The following RALGPS2 variants were observed in gnomAD, a reference collection of about 807,000 sequenced individuals.
RALGPS2 encodes the protein ras-specific guanine nucleotide-releasing factor RalGPS2.
In RALGPS2, 43 loss-of-function variants were observed where a neutral mutation model predicts 86.8. That is an observed-to-expected ratio of 0.50 (90% CI 0.39 to 0.64). The LOEUF (loss-of-function observed/expected upper bound fraction) is 0.64, where lower values mean the gene tolerates loss of function less well. RALGPS2 is among the 30% of genes least tolerant of loss of function. The pLI is 0.00. For synonymous variants in RALGPS2, 243 were observed against 231.3 expected, an observed-to-expected ratio of 1.05 and a Z score of -0.46; for missense variants, 536 against 694.6, an observed-to-expected ratio of 0.77 and a Z score of 2.57.
At position 178,856,210 on chromosome 1, in the gene RALGPS2, T is replaced by G. The variant is rs1390962426; in HGVS notation, c.608-21288T>G. ...TTTTCCAGAGAGAGAGAGATATATA[T>G]ATATATATATATATATATATATATG... On this transcript the variant is annotated intron_variant, in intron 8 of 19. Transcript: ENST00000367635. Among the ~76,000 whole-genome samples, 62 of 62,774 alleles carry G rather than the reference T, an allele frequency of 9.9e-4. 2 individuals carry two copies. Among genetic ancestry groups the G allele is most frequent in the African/African-American group, 3.4e-3 (61 of 18,126 alleles). 41.2% of individuals were successfully genotyped at this position (62,774 alleles called of 152,430 possible).
At chr1:178,814,482 C>T (rs1048279596) in intron 6 of RALGPS2, among the ~76,000 whole-genome samples, 4 of 152,172 alleles carry the variant, frequency 2.6e-5, no homozygotes, top group African/African-American at 9.7e-5. Flanking sequence ...GTCACCCAGG[C>T]TGAAGGCCAG....
At chr1:178,824,706 G>A (rs1655668898) in intron 7 of RALGPS2, among the ~76,000 whole-genome samples, 1 of 152,178 alleles carries the variant, frequency 6.6e-6, no homozygotes, top group Admixed American at 6.5e-5. Flanking sequence ...CTACTCTGGA[G>A]GCTGAGGCAG....
intron 19 of RALGPS2, among the ~76,000 whole-genome samples, chr1:178,909,821 T>C (rs1007785168): frequency 1.3e-5 from 2 of 151,804 alleles, no homozygotes; most frequent in Admixed American, 6.6e-5. Context: ...AGCTAATTTT[T>C]TGTATTTTTA....
At chr1:178,785,443 T>C in intron 3 of RALGPS2, 114 bp from the exon 4 acceptor site, 1 of 1,154,156 alleles carries the variant, frequency 8.7e-7, no homozygotes. Context: ...CCATAAGCCC[T>C]TATAAAATTG....
At chr1:178,732,113 C>T (rs1650401849) in intron 1 of RALGPS2, among the ~76,000 whole-genome samples, 1 of 150,738 alleles carries the variant, frequency 6.6e-6, no homozygotes, top group African/African-American at 2.5e-5. Flanking sequence ...AGAGGCCAAG[C>T]TCATCATCTG....
chr1:178,892,384 C>A, intron 15 of RALGPS2, 77 bp downstream of exon 15: 1 of 1,193,654 alleles, frequency 8.4e-7, no homozygotes, highest in Non-Finnish European at 1.2e-6. Flanking sequence ...TGTGGTCTGA[C>A]GTTATTTCTT....
At position 178,885,962 on chromosome 1, in the gene RALGPS2, T is replaced by C; in HGVS notation, c.1041-7T>C. The C allele has an allele frequency of 6.3e-7, 1 of 1,575,668 alleles. No individual in the cohort carries two copies. The highest frequency in any genetic ancestry group is 8.6e-7 in the Non-Finnish European group (1 of 1,164,720). On this transcript the variant is annotated splice_region_variant and splice_polypyrimidine_tract_variant and intron_variant, in intron 12 of 19. Coordinates refer to ENST00000367635, the MANE Select transcript of RALGPS2 (RefSeq NM_152663.5). ...TAAAAGATATGAACTTTTTTTTCTG[T>C]TTCTAGTTTCATTCATAAAATGAAC...
intron 13 of RALGPS2, among the ~76,000 whole-genome samples, chr1:178,887,578 T>C (rs1175955517): frequency 1.3e-5 from 2 of 152,228 alleles, no homozygotes; most frequent in African/African-American, 4.8e-5. Flanking sequence ...TTGTTACTAA[T>C]ATCTTAATAT....
At chr1:178,814,011 T>G (rs1655112524) in intron 6 of RALGPS2, among the ~76,000 whole-genome samples, 1 of 152,216 alleles carries the variant, frequency 6.6e-6, no homozygotes, top group Admixed American at 6.5e-5. Context: ...ATAATGTGGA[T>G]ACCCATGCAC....
chr1:178,802,708 AC>A (rs1382277405), intron 4 of RALGPS2, among the ~76,000 whole-genome samples: 1 of 152,088 alleles, frequency 6.6e-6, no homozygotes, highest in Non-Finnish European at 1.5e-5. Flanking sequence ...TTAATATTGC[AC>A]CTTTATGTTT....
At chr1:178,811,437 C>A in intron 6 of RALGPS2, 33 bp downstream of exon 6, 2 of 1,341,888 alleles carry the variant, frequency 1.5e-6, no homozygotes, top group South Asian at 2.7e-5. Context: ...TTTTTGAGTT[C>A]AACCATTCAT....
At chr1:178,777,289 A>G (rs937895346) in intron 2 of RALGPS2, among the ~76,000 whole-genome samples, 5 of 152,114 alleles carry the variant, frequency 3.3e-5, no homozygotes, top group Admixed American at 2.0e-4. Context: ...ACTCCCATTC[A>G]CAATTGCTTC....
intron 4 of RALGPS2, among the ~76,000 whole-genome samples, chr1:178,793,778 G>GT (rs1358644408): frequency 6.6e-6 from 1 of 152,050 alleles, no homozygotes; most frequent in Non-Finnish European, 1.5e-5. Flanking sequence ...ATCTCCCATT[G>GT]TTTATCATTT....
At chr1:178,765,791 G>T (rs1319757119) in intron 1 of RALGPS2, among the ~76,000 whole-genome samples, 1 of 152,158 alleles carries the variant, frequency 6.6e-6, no homozygotes, top group Non-Finnish European at 1.5e-5. Flanking sequence ...CAGGGATGTT[G>T]CTTGCTGAGA....
chr1:178,745,776 T>C (rs1651280653), intron 1 of RALGPS2, among the ~76,000 whole-genome samples: 1 of 152,122 alleles, frequency 6.6e-6, no homozygotes, highest in Admixed American at 6.6e-5. Flanking sequence ...TAAAATGATT[T>C]TTTATCAAAT....
At chr1:178,844,138 G>T (rs1656751741) in intron 8 of RALGPS2, among the ~76,000 whole-genome samples, 2 of 152,106 alleles carry the variant, frequency 1.3e-5, no homozygotes, top group African/African-American at 2.4e-5. Context: ...ATGCAAATTG[G>T]TAGCTTCATT....
intron 1 of RALGPS2, among the ~76,000 whole-genome samples, chr1:178,741,032 G>A (rs1282813304): frequency 1.3e-5 from 2 of 152,112 alleles, no homozygotes; most frequent in Non-Finnish European, 2.9e-5. Flanking sequence ...TATCATATAT[G>A]TAATGATATT....
At chr1:178,878,320 A>G (rs1659084600) in intron 9 of RALGPS2, among the ~76,000 whole-genome samples, 2 of 152,162 alleles carry the variant, frequency 1.3e-5, no homozygotes, top group African/African-American at 4.8e-5. Flanking sequence ...GTTTTACATT[A>G]TATGATTACT....
At chr1:178,746,784 C>T (rs562945747) in intron 1 of RALGPS2, 1 of 916,630 alleles carries the variant, frequency 1.1e-6, no homozygotes, top group Admixed American at 1.7e-5. Flanking sequence ...TTTCTGTCCT[C>T]TCACATACGT....
Sources: allele counts gnomAD v4.1 joint callset (sites outside exome capture counted in the v4.1 genomes callset), GRCh38; gene constraint gnomAD v4.1.1; transcripts MANE v1.5; gene names NCBI Gene and HGNC (gene_info 2026-07-23, HGNC 2026-07-21).